Variants in MB21D2 observed in about 807,000 individuals in gnomAD.
MB21D2 encodes the protein nucleotidyltransferase MB21D2.
MB21D2 carries 9 observed loss-of-function variants against 33.3 expected under a neutral mutation model. The observed-to-expected ratio is 0.27, with a 90% CI of 0.16 to 0.47. MB21D2 has a LOEUF of 0.47. MB21D2 is among the 20% of genes least tolerant of loss of function. MB21D2 has a pLI of 0.99. For missense variants in MB21D2, 540 were observed against 624.6 expected (o/e 0.86, Z 1.44); for synonymous variants, 241 against 236.3 (o/e 1.02, Z -0.18).
chr3:192,851,657 G>T (rs1248356409), intron 1 of MB21D2, among the ~76,000 whole-genome samples: 1 of 110,300 alleles, frequency 9.1e-6, no homozygotes, highest in Admixed American at 8.5e-5. Flanking sequence ...GCCATATCCC[G>T]CTAATTTTTG....
intron 1 of MB21D2, among the ~76,000 whole-genome samples, chr3:192,892,499 G>A (rs927169316): frequency 2.6e-5 from 4 of 152,264 alleles, no homozygotes; most frequent in Middle Eastern, 3.4e-3. Flanking sequence ...TGCCTAGGCT[G>A]GCATGATCTC....
chr3:192,914,988 G>A lies in MB21D2; in HGVS notation c.211+2642C>T, dbSNP rs997270313. On this transcript the variant is annotated intron_variant, in intron 1 of 1. Coordinates refer to ENST00000392452, the MANE Select transcript of MB21D2 (RefSeq NM_178496.4). Reference sequence around the variant, plus strand: ...TGGCTAACAATCTTACACAAAAAGAGAGTAACATGCCTCACCCCTGCCAAC... The same window carrying A: ...TGGCTAACAATCTTACACAAAAAGAAAGTAACATGCCTCACCCCTGCCAAC... Among the ~76,000 whole-genome samples, 16 of 152,280 alleles carry A rather than the reference G, an allele frequency of 1.1e-4. No homozygotes were observed. The East Asian group carries it at 2.7e-3, about 26-fold the overall frequency.
chr3:192,894,641 A>G (rs186726018), intron 1 of MB21D2, among the ~76,000 whole-genome samples: 39 of 151,304 alleles, frequency 2.6e-4, no homozygotes, highest in Non-Finnish European at 4.9e-4. Context: ...ACACAGTGTC[A>G]TTTTTTTTTC....
chr3:192,847,244 A>T (rs1488466790), intron 1 of MB21D2, among the ~76,000 whole-genome samples: 1 of 152,236 alleles, frequency 6.6e-6, no homozygotes. Flanking sequence ...ATTCATAAAC[A>T]TGTAAAGGCA....
chr3:192,884,992 A>G lies in MB21D2; in HGVS notation c.211+32638T>C, dbSNP rs562748818. On this transcript the variant is annotated intron_variant, in intron 1 of 1. Transcript: ENST00000392452. ...TACATCTGGCACAATTCAGACCCTT[A>G]AAAGATAATTATATATGTTTCTGGA... Among the ~76,000 whole-genome samples the G allele has an allele frequency of 1.9e-4, 29 of 152,210 alleles. No homozygotes were observed. The South Asian group carries it at 5.8e-3, about 30-fold the overall frequency.
intron 1 of MB21D2, among the ~76,000 whole-genome samples, chr3:192,817,041 A>G (rs973907657): frequency 2.6e-5 from 4 of 152,258 alleles, no homozygotes; most frequent in African/African-American, 4.8e-5. Context: ...AGGTTAATGA[A>G]TAACACTCGT....
chr3:192,913,190 G>T (rs115639912), intron 1 of MB21D2, among the ~76,000 whole-genome samples: 4,865 of 152,146 alleles, frequency 0.032, 83 homozygotes, highest in Middle Eastern at 0.071. Flanking sequence ...GAACTCAGGG[G>T]TGTGAGACCA....
chr3:192,880,428 A>C (rs1001954610), intron 1 of MB21D2, among the ~76,000 whole-genome samples: 4 of 152,104 alleles, frequency 2.6e-5, no homozygotes, highest in Non-Finnish European at 4.4e-5. Flanking sequence ...TCTGGGGTTC[A>C]AGATATTTAT....
In MB21D2 at chr3:192,911,550, T is replaced by C. The variant is rs1041361206; in HGVS notation, c.211+6080A>G. On this transcript the variant is annotated intron_variant, in intron 1 of 1. Coordinates refer to ENST00000392452, the MANE Select transcript of MB21D2 (RefSeq NM_178496.4). ...ATGCTGAGCAGCTTGTTGGGGGATC[T>C]CTAGGGAATTCGGATTCAATAGGTC... Among the ~76,000 whole-genome samples the C allele has an allele frequency of 2.0e-5, 3 of 152,294 alleles. No homozygotes were observed. In the South Asian group the frequency reaches 6.2e-4, roughly 32 times the overall value.
At chr3:192,899,526 A>AAAAT (rs1339701579) in intron 1 of MB21D2, among the ~76,000 whole-genome samples, 6 of 152,076 alleles carry the variant, frequency 3.9e-5, no homozygotes, top group Non-Finnish European at 7.4e-5. Flanking sequence ...AAGACTCTCA[A>AAAAT]AAATAAATAA....
intron 1 of MB21D2, among the ~76,000 whole-genome samples, chr3:192,806,214 A>C (rs1459009531): frequency 3.3e-5 from 5 of 152,166 alleles, no homozygotes; most frequent in Non-Finnish European, 7.3e-5. Flanking sequence ...TTCGACATCT[A>C]CTGTCATTGT....
intron 1 of MB21D2, among the ~76,000 whole-genome samples, chr3:192,828,481 T>A (rs1712226061): frequency 6.6e-6 from 1 of 150,536 alleles, no homozygotes; most frequent in African/African-American, 2.4e-5. Flanking sequence ...CATTTCCTCA[T>A]CTGGGGCCTG....
chr3:192,839,529 T>C (rs935908034), intron 1 of MB21D2, among the ~76,000 whole-genome samples: 7 of 152,240 alleles, frequency 4.6e-5, no homozygotes, highest in Admixed American at 2.0e-4. Flanking sequence ...ACATTGAAGG[T>C]GACAGTAAGA....
rs1263355514 is a variant in MB21D2, at chr3:192,799,156, C to T, written c.706G>A (p.Val236Ile). The T allele has an allele frequency of 2.5e-6, 4 of 1,614,180 alleles. No individual in the cohort carries two copies. The highest frequency in any genetic ancestry group is 2.7e-5 in the African/African-American group (2 of 75,024). Residue 236 changes from valine to isoleucine, a missense_variant, in exon 2 of 2, where the codon GTC (valine) becomes ATC (isoleucine). Transcript: ENST00000392452. The surrounding 1 kb of genome is among the most constrained non-coding windows in gnomAD (Gnocchi z 4.1). ...VGSSRMLYDI[V>I]PVVSFKGWPA... Reference sequence around the variant, plus strand: ...CAACCTTTGAAAGATACCACAGGGACAATATCATACAACATGCGACTACTC... The same window carrying T: ...CAACCTTTGAAAGATACCACAGGGATAATATCATACAACATGCGACTACTC...
intron 1 of MB21D2, among the ~76,000 whole-genome samples, chr3:192,901,932 C>T (rs138719257): frequency 7.9e-4 from 121 of 152,316 alleles, no homozygotes; most frequent in African/African-American, 2.5e-3. Flanking sequence ...CCTGCATCTT[C>T]GTAAGGCTGC....
At chr3:192,915,757 G>C (rs184845738) in intron 1 of MB21D2, among the ~76,000 whole-genome samples, 2 of 152,176 alleles carry the variant, frequency 1.3e-5, no homozygotes, top group African/African-American at 4.8e-5. Flanking sequence ...TATCAGCTTT[G>C]GAGTTAAGCA....
In MB21D2 at chr3:192,798,515, C is replaced by G. The variant is rs1386637449; in HGVS notation, c.1347G>C (p.Gln449His). The G allele has an allele frequency of 6.2e-7, 1 of 1,614,146 alleles. No individual in the cohort carries two copies. Among genetic ancestry groups the G allele is most frequent in the Non-Finnish European group, 8.5e-7 (1 of 1,180,038 alleles). Residue 449 changes from glutamine (Q) to histidine (H), a missense_variant, in exon 2 of 2, where the codon CAG becomes CAC. Transcript: ENST00000392452. This position sits in a 1 kb window ranked among gnomAD's most constrained non-coding sequence, Gnocchi z 4.8. ...GTTTTTTTGCCAAACGGTCATCAGG[C>G]TGGTTGGGGTCCCCTCCGTCAGACT... is the stretch of plus-strand genomic sequence containing the variant. ...SPQSDGGDPN[Q>H]PDDRLAKKLQ...
At chr3:192,878,190 C>T (rs112227587) in intron 1 of MB21D2, among the ~76,000 whole-genome samples, 15,743 of 148,048 alleles carry the variant, frequency 0.11, 1,655 homozygotes, top group African/African-American at 0.29. Context: ...AGCTCCGCCT[C>T]GCGGGTTCAC....
chr3:192,865,925 G>C (rs1713157304), intron 1 of MB21D2, among the ~76,000 whole-genome samples: 1 of 151,950 alleles, frequency 6.6e-6, no homozygotes, highest in Non-Finnish European at 1.5e-5. Context: ...TATGCCTGTA[G>C]TACCAGCCAC....
Sources: allele counts gnomAD v4.1 joint callset (sites outside exome capture counted in the v4.1 genomes callset), GRCh38; gene constraint gnomAD v4.1.1; non-coding constraint Gnocchi (gnomAD v3.1); transcripts MANE v1.5; gene names NCBI Gene and HGNC (gene_info 2026-07-23, HGNC 2026-07-21).